The following KCTD14 variants were observed in gnomAD, a reference collection of about 807,000 sequenced individuals.
KCTD14 encodes the protein potassium channel tetramerization domain containing 14.
KCTD14 carries 7 observed loss-of-function variants against 5.9 expected under a neutral mutation model. The ratio of observed to expected loss-of-function variants is 1.19; its 90% CI spans 0.68 to 2.23. The LOEUF is 2.23. Among genes scored for constraint, KCTD14 ranks in the 30% most tolerant of loss-of-function variants. The pLI, the probability that KCTD14 is intolerant of heterozygous loss-of-function variation, is 0.00. For synonymous variants in KCTD14, 140 were observed against 133.1 expected (o/e 1.05, Z -0.36); for missense variants, 342 against 332.2 (o/e 1.03, Z -0.23).
upstream of KCTD14, chr11:78,023,537 C>T (rs1591179853): frequency 5.0e-6 from 2 of 396,920 alleles, no homozygotes; most frequent in East Asian, 1.1e-4. Context: ...TTTTCAGAGA[C>T]AGGGTCTCAC....
At chr11:78,025,164 G>A (rs1857433623), upstream of KCTD14, among the ~76,000 whole-genome samples, 3 of 122,532 alleles carry the variant, frequency 2.4e-5, no homozygotes, top group South Asian at 7.7e-4. Context: ...ATAAAGGGGA[G>A]TTTATTAAGT....
At chr11:78,025,925 C>T (rs1049677094), upstream of KCTD14, among the ~76,000 whole-genome samples, 1 of 152,196 alleles carries the variant, frequency 6.6e-6, no homozygotes, top group Non-Finnish European at 1.5e-5. Context: ...ATCAATACTA[C>T]TCCAGCCAGG....
chr11:78,018,685 C>T (rs145552397), intron 1 of KCTD14, among the ~76,000 whole-genome samples: 24 of 148,802 alleles, frequency 1.6e-4, no homozygotes, highest in African/African-American at 4.8e-4. Context: ...CCAGCCTGCG[C>T]GACAGAATGA....
At chr11:78,021,362 T>C (rs143200180) in intron 1 of KCTD14, among the ~76,000 whole-genome samples, 356 of 150,422 alleles carry the variant, frequency 2.4e-3, no homozygotes, top group African/African-American at 8.4e-3. Flanking sequence ...GCTCCATTTC[T>C]TTATCAAACA....
intron 2 of KCTD14, among the ~76,000 whole-genome samples, chr11:78,035,131 T>G (rs1440932299): frequency 2.0e-5 from 3 of 152,186 alleles, no homozygotes. Context: ...GGTATATCTG[T>G]CACTTCTGGC....
upstream of KCTD14, among the ~76,000 whole-genome samples, chr11:78,025,118 G>GTATATATA (rs369374652): frequency 2.8e-3 from 123 of 44,458 alleles, 1 homozygote; most frequent in South Asian, 3.4e-3. Flanking sequence ...GTGTGTGTGT[G>GTATATATA]TATATATATA....
intron 2 of KCTD14, among the ~76,000 whole-genome samples, chr11:78,032,960 G>A (rs1591188638): frequency 1.3e-5 from 2 of 152,008 alleles, no homozygotes; most frequent in Non-Finnish European, 2.9e-5. Flanking sequence ...CAGATTACAG[G>A]CCTATCCCAT....
chr11:78,017,182 G>A lies in KCTD14; in HGVS notation c.179C>T (p.Ala60Val). 6.2e-7 allele frequency: 1 copy of A among 1,613,960 alleles called. No individual in the cohort carries two copies. Among genetic ancestry groups the A allele is most frequent in the Non-Finnish European group, 8.5e-7 (1 of 1,179,874 alleles). The change falls in exon 2 of 2, where the codon GCA becomes GTA. Residue 60 changes from alanine to valine, a missense_variant. By Grantham distance (64) the Ala-to-Val change is moderately conservative (BLOSUM62 0). Transcript: ENST00000353172. ...CTTGGCTAAGCTAGAGAACATCTCT[G>A]CCAGCTTTGAGCCCGGAAACTTCCT... is the stretch of plus-strand genomic sequence containing the variant. ...TLRKFPGSKL[A>V]EMFSSLAKAS...
At chr11:78,023,429 G>A (rs937688218), upstream of KCTD14, 1 of 592,088 alleles carries the variant, frequency 1.7e-6, no homozygotes. Flanking sequence ...CCTGAGAAGG[G>A]CTGACTTTGG....
At chr11:78,046,004 C>T in intron 1 of KCTD14, 1 of 722,332 alleles carries the variant, frequency 1.4e-6, no homozygotes, top group Non-Finnish European at 1.7e-6. Context: ...GAGGCAGCCT[C>T]AGGAGGGGAG....
At chr11:78,026,613 A>G (rs1223431735), upstream of KCTD14, among the ~76,000 whole-genome samples, 2 of 152,000 alleles carry the variant, frequency 1.3e-5, no homozygotes, top group Non-Finnish European at 2.9e-5. Flanking sequence ...TACAAAAAAT[A>G]CAAAGCTTAG....
At chr11:78,038,305 G>A (rs183784788) in intron 2 of KCTD14, among the ~76,000 whole-genome samples, 56 of 152,334 alleles carry the variant, frequency 3.7e-4, no homozygotes, top group African/African-American at 1.2e-3. Context: ...CAGTTCGAGT[G>A]AGAGGTTCTC....
At chr11:78,042,978 G>C (rs1205789466) in intron 1 of KCTD14, among the ~76,000 whole-genome samples, 1 of 152,230 alleles carries the variant, frequency 6.6e-6, no homozygotes, top group Admixed American at 6.5e-5. Context: ...CATGTTGCCT[G>C]CTTCTTTACT....
chr11:78,042,909 A>G (rs903911582), intron 1 of KCTD14, among the ~76,000 whole-genome samples: 1 of 152,212 alleles, frequency 6.6e-6, no homozygotes, highest in African/African-American at 2.4e-5. Context: ...CTTGCGAAGA[A>G]GCTGGCCACC....
upstream of KCTD14, among the ~76,000 whole-genome samples, chr11:78,025,551 C>T (rs995728091): frequency 6.6e-6 from 1 of 152,152 alleles, no homozygotes; most frequent in Non-Finnish European, 1.5e-5. Context: ...ATCACATTGA[C>T]CCAAGTTAAG....
intron 1 of KCTD14, among the ~76,000 whole-genome samples, chr11:78,045,886 C>G (rs1010391069): frequency 6.6e-6 from 1 of 152,096 alleles, no homozygotes; most frequent in South Asian, 2.1e-4. Context: ...CCCACCCCAC[C>G]CAGGAAGAGT....
At chr11:78,036,293 G>A (rs1470710) in intron 2 of KCTD14, among the ~76,000 whole-genome samples, 73,898 of 152,190 alleles carry the variant, frequency 0.49, 18,409 homozygotes, top group African/African-American at 0.61. Flanking sequence ...TGCATGCATT[G>A]TGTCTATGCT....
chr11:78,025,116 G>GTA (rs771771645), upstream of KCTD14, among the ~76,000 whole-genome samples: 357 of 68,478 alleles, frequency 5.2e-3, no homozygotes, highest in Non-Finnish European at 6.4e-3. Context: ...GTGTGTGTGT[G>GTA]TGTATATATA....
intron 2 of KCTD14, among the ~76,000 whole-genome samples, chr11:78,037,341 AAC>A (rs1278203080): frequency 6.6e-6 from 1 of 152,120 alleles, no homozygotes; most frequent in East Asian, 1.9e-4. Context: ...GACCTCCACA[AAC>A]ACTGTTTCTG....
Sources: gnomAD v4.1 joint callset for allele counts (sites outside exome capture counted in the v4.1 genomes callset) on GRCh38, gnomAD v4.1.1 for gene constraint, MANE v1.5 for transcripts, NCBI Gene and HGNC (gene_info 2026-07-23, HGNC 2026-07-21) for gene names.